Variants in SCARA3 observed in about 807,000 individuals in gnomAD.
The protein encoded by SCARA3 is cellular stress response gene protein.
Under a neutral mutation model 47.0 loss-of-function variants are expected in SCARA3, and 39 were observed. That is an observed-to-expected ratio of 0.83 (90% confidence interval 0.64 to 1.08). The LOEUF is 1.08. SCARA3 is among the 50% of genes least tolerant of loss of function. SCARA3 has a pLI of 0.00. For missense variants in SCARA3, 724 were observed against 792.3 expected (o/e 0.91, Z 1.04); for synonymous variants, 356 against 334.1 (o/e 1.07, Z -0.71).
In SCARA3 at chr8:27,671,951, G is replaced by A. The variant is rs1802177098; in HGVS notation, c.*600G>A. On this transcript the variant is annotated 3_prime_UTR_variant, in exon 6 of 6. Transcript: ENST00000301904. ...GCCAGGGAGGCAGCTACCTCGGGAG[G>A]AAGGTCTCACATCTGTCTCTGGGCA... 3 of 985,304 alleles carry A rather than the reference G, an allele frequency of 3.0e-6. No homozygotes were observed. Among genetic ancestry groups the A allele is most frequent in the South Asian group, 9.4e-5 (2 of 21,296 alleles). 61.0% of individuals were successfully genotyped at this position (985,304 alleles called of 1,614,324 possible).
intron 1 of SCARA3, among the ~76,000 whole-genome samples, chr8:27,642,478 G>A (rs966010064): frequency 3.9e-5 from 6 of 152,172 alleles, no homozygotes; most frequent in African/African-American, 7.2e-5. Context: ...GTGCCCATGC[G>A]AGACAGGGTA....
the SCARA3 span, among the ~76,000 whole-genome samples, chr8:27,688,347 T>C: frequency 6.7e-6 from 1 of 149,208 alleles, no homozygotes; most frequent in Non-Finnish European, 1.5e-5. Flanking sequence ...GGAAAGTGAA[T>C]ACAAAGCAAC....
chr8:27,659,848 TAAAAAAAAAAAA>T (rs1164812144), intron 5 of SCARA3, among the ~76,000 whole-genome samples: 5 of 40,336 alleles, frequency 1.2e-4, no homozygotes, highest in African/African-American at 2.6e-4. Context: ...AGTCCTTATC[TAAAAAAAAAAAA>T]AAAAAAAAAA....
In SCARA3 at chr8:27,638,918, A is replaced by G. The variant is rs34178307; in HGVS notation, c.7+4711A>G. Among the ~76,000 whole-genome samples the G allele has an allele frequency of 4.5e-3, 681 of 152,244 alleles. 3 individuals carry two copies. The highest frequency in any genetic ancestry group is 0.015 in the African/African-American group (618 of 41,552). Reference sequence around the variant, plus strand: ...AATGCGTCCTCGGTTTCAGCCACAGACAGGCTCCTGGTTCTTGCTGGCACC... The same window carrying G: ...AATGCGTCCTCGGTTTCAGCCACAGGCAGGCTCCTGGTTCTTGCTGGCACC... On this transcript the variant is annotated intron_variant, in intron 1 of 5. Coordinates refer to ENST00000301904, the MANE Select transcript of SCARA3 (RefSeq NM_016240.3).
chr8:27,638,600 A>G (rs146528346), intron 1 of SCARA3, among the ~76,000 whole-genome samples: 129 of 152,300 alleles, frequency 8.5e-4, no homozygotes, highest in African/African-American at 2.8e-3. Flanking sequence ...TCACGCAGGC[A>G]TTCCGTAAAC....
chr8:27,729,320 C>T, the SCARA3 span, among the ~76,000 whole-genome samples: 1 of 152,346 alleles, frequency 6.6e-6, no homozygotes, highest in African/African-American at 2.4e-5. Flanking sequence ...TATGTGCTCT[C>T]TGGCTCATCC....
chr8:27,729,496 G>A, the SCARA3 span, among the ~76,000 whole-genome samples: 1 of 152,126 alleles, frequency 6.6e-6, no homozygotes, highest in East Asian at 1.9e-4. Context: ...AAGTCACATA[G>A]AAAAGGAGCA....
chr8:27,654,758 C>T (rs1474776739), intron 3 of SCARA3, among the ~76,000 whole-genome samples: 1 of 148,740 alleles, frequency 6.7e-6, no homozygotes, highest in Non-Finnish European at 1.5e-5. Flanking sequence ...CTGCTGCACT[C>T]CAGCCTGGGT....
At chr8:27,636,838 A>G (rs1483399395) in intron 1 of SCARA3, among the ~76,000 whole-genome samples, 1 of 152,164 alleles carries the variant, frequency 6.6e-6, no homozygotes, top group Non-Finnish European at 1.5e-5. Flanking sequence ...CCCCTCTACC[A>G]GAGATGGAAA....
chr8:27,717,029 C>T, the SCARA3 span, among the ~76,000 whole-genome samples: 1 of 152,104 alleles, frequency 6.6e-6, no homozygotes, highest in East Asian at 1.9e-4. Flanking sequence ...TCTACAAAGA[C>T]TGGGGTGTAA....
In SCARA3 at chr8:27,639,844, A is replaced by T. The variant is rs572796663; in HGVS notation, c.7+5637A>T. On this transcript the variant is annotated intron_variant, in intron 1 of 5. Transcript: ENST00000301904. ...AGAAAGTTCCAAGGGGGAGGAAATG[A>T]CCCACCGCGTTGACTGCTGATCAGC... 2.6e-5 allele frequency among the ~76,000 whole-genome samples: 4 copies of T among 152,248 alleles called. No homozygotes were observed. In the East Asian group the frequency reaches 7.7e-4, roughly 29 times the overall value.
intron 1 of SCARA3, among the ~76,000 whole-genome samples, chr8:27,636,296 G>A (rs968027961): frequency 6.6e-6 from 1 of 152,210 alleles, no homozygotes; most frequent in African/African-American, 2.4e-5. Flanking sequence ...CACCAGCAGG[G>A]TGTGGTGGCA....
At chr8:27,691,612 T>C in the SCARA3 span, among the ~76,000 whole-genome samples, 162 of 152,242 alleles carry the variant, frequency 1.1e-3, no homozygotes, top group South Asian at 2.1e-3. Context: ...GCAATTCCTG[T>C]AAATTTCAGT....
chr8:27,660,836 AGC>A (rs1563410358), intron 5 of SCARA3, among the ~76,000 whole-genome samples: 757 of 55,674 alleles, frequency 0.014, 3 homozygotes, highest in South Asian at 0.03. Flanking sequence ...GAAGATAGCT[AGC>A]TAGCTAGATA....
chr8:27,705,243 AG>A, the SCARA3 span, among the ~76,000 whole-genome samples: 1 of 152,202 alleles, frequency 6.6e-6, no homozygotes, highest in Admixed American at 6.5e-5. Flanking sequence ...TGGTAGAGAA[AG>A]GGGGTGACCC....
At chr8:27,726,170 C>T in the SCARA3 span, among the ~76,000 whole-genome samples, 1 of 152,148 alleles carries the variant, frequency 6.6e-6, no homozygotes, top group South Asian at 2.1e-4. Context: ...ACTTTGGGAG[C>T]CCGTGGCAGG....
the SCARA3 span, among the ~76,000 whole-genome samples, chr8:27,727,754 G>A: frequency 5.9e-5 from 9 of 152,208 alleles, no homozygotes; most frequent in African/African-American, 1.7e-4. Context: ...GATTTGTAAT[G>A]TTATGTTACC....
the SCARA3 span, among the ~76,000 whole-genome samples, chr8:27,711,698 G>T: frequency 1.3e-5 from 2 of 151,924 alleles, no homozygotes; most frequent in African/African-American, 4.8e-5. Context: ...TTATTAATGT[G>T]TTTAAAATAA....
the SCARA3 span, among the ~76,000 whole-genome samples, chr8:27,706,698 T>C: frequency 1.3e-5 from 2 of 151,938 alleles, no homozygotes; most frequent in African/African-American, 4.8e-5. Context: ...GTGAGAGGTG[T>C]TGGAGAGGGA....
Sources: allele counts gnomAD v4.1 joint callset (sites outside exome capture counted in the v4.1 genomes callset), GRCh38; gene constraint gnomAD v4.1.1; transcripts MANE v1.5; gene names NCBI Gene and HGNC (gene_info 2026-07-23, HGNC 2026-07-21).